Variants in TCF7 observed in about 807,000 individuals in gnomAD.
The protein encoded by TCF7 is T-cell-factor-7.
Under a neutral mutation model 46.8 loss-of-function variants are expected in TCF7, and 19 were observed. The ratio of observed to expected loss-of-function variants is 0.41; its 90% CI spans 0.28 to 0.60. TCF7 has a LOEUF of 0.60. TCF7 is among the 20% of genes least tolerant of loss of function. TCF7 has a pLI of 0.35. For missense variants in TCF7, 547 were observed against 504.6 expected, an observed-to-expected ratio of 1.08 and a Z score of -0.81; for synonymous variants, 245 against 213.4, an observed-to-expected ratio of 1.15 and a Z score of -1.29.
upstream of TCF7, among the ~76,000 whole-genome samples, chr5:134,110,362 C>T (rs1187981331): frequency 3.3e-5 from 5 of 152,174 alleles, no homozygotes; most frequent in African/African-American, 1.2e-4. Context: ...AAGAACTGAC[C>T]CCAAAGCCCC....
Position 134,142,330 on chromosome 5 carries a change from G to A in TCF7, c.755+26G>A. On this transcript the variant is annotated intron_variant, in intron 6 of 9. Coordinates refer to ENST00000342854, the MANE Select transcript of TCF7 (RefSeq NM_003202.5). Reference sequence around the variant, plus strand: ...GTGAGTGAAAAGACAATGATGGCAGGGGGTGTGTCAGTCAGGATACACATG... The same window carrying A: ...GTGAGTGAAAAGACAATGATGGCAGAGGGTGTGTCAGTCAGGATACACATG... 5 of 1,558,400 alleles carry A rather than the reference G, an allele frequency of 3.2e-6. 1 individual carries two copies. In the South Asian group the frequency reaches 4.8e-5, roughly 15 times the overall value.
At position 134,115,073 on chromosome 5, in the gene TCF7, T is replaced by C; in HGVS notation, c.167T>C (p.Val56Ala). 7 of 1,163,504 alleles carry C rather than the reference T, an allele frequency of 6.0e-6. No individual in the cohort carries two copies. Among genetic ancestry groups the C allele is most frequent in the East Asian group, 6.0e-5 (1 of 16,794 alleles). The allele number at this position is 1,163,504 out of a possible 1,614,324, so 72.1% of individuals were successfully genotyped here. A position where few individuals can be genotyped will look rare whatever the true frequency, so the allele number is the denominator to read the frequency against. The change falls in exon 1 of 10, where the codon GTG (valine) becomes GCG (alanine). Residue 56 changes from valine to alanine, a missense_variant. Around this residue, in one of 3 missense-constraint regions of TCF7, gnomAD observed 425 missense variants for 349.9 expected, o/e 1.21. Coordinates refer to ENST00000342854, the MANE Select transcript of TCF7 (RefSeq NM_003202.5). Reference protein sequence around the residue: ...RDLAELKSSLVNESEGAAGGA... With the variant: ...RDLAELKSSLANESEGAAGGA... ...CTGGCCGAGCTCAAGTCGTCGCTCG[T>C]GAACGAGTCCGAGGGCGCGGCCGGC... is the stretch of plus-strand genomic sequence containing the variant.
At chr5:134,138,901 T>G (rs370732060) in intron 4 of TCF7, 50 bp from the exon 5 acceptor site, 3 of 1,608,148 alleles carry the variant, frequency 1.9e-6, no homozygotes, top group East Asian at 4.5e-5. Context: ...ACTGCTGATA[T>G]GGCCTGCCAG....
At chr5:134,145,063 A>G (rs1010753382) in intron 9 of TCF7, 2 of 641,794 alleles carry the variant, frequency 3.1e-6, no homozygotes, top group African/African-American at 3.6e-5. Flanking sequence ...CTTGGGTCTA[A>G]GTGCAGGAGG....
chr5:134,111,027 T>C (rs1344428635), upstream of TCF7, among the ~76,000 whole-genome samples: 3 of 152,238 alleles, frequency 2.0e-5, no homozygotes. Context: ...ACCAGGCTGC[T>C]GTTCTAAGCT....
the TCF7 span, among the ~76,000 whole-genome samples, chr5:134,109,637 G>A: frequency 1.3e-5 from 2 of 152,140 alleles, no homozygotes; most frequent in African/African-American, 4.8e-5. Context: ...GAGCGTGGTG[G>A]CAGGTGCCTG....
chr5:134,136,230 A>G (rs1478602098), intron 3 of TCF7, among the ~76,000 whole-genome samples: 2 of 152,174 alleles, frequency 1.3e-5, no homozygotes, highest in South Asian at 2.1e-4. Flanking sequence ...CAGGGTTTAC[A>G]AAGTGCATGA....
intron 3 of TCF7, among the ~76,000 whole-genome samples, chr5:134,130,096 C>G (rs1561670269): frequency 6.6e-6 from 1 of 152,206 alleles, no homozygotes; most frequent in Non-Finnish European, 1.5e-5. Context: ...GGCAGTGGTG[C>G]CTGGAGCGGG....
rs756616925 is a variant in TCF7 at position 134,138,080 on chromosome 5, C to A, written c.463C>A (p.His155Asn). 48 of 1,607,030 alleles carry A rather than the reference C, an allele frequency of 3.0e-5. No individual in the cohort carries two copies. In the East Asian group the frequency reaches 3.4e-4, roughly 11 times the overall value. The part of the protein sequence containing the change: ...PPLHKANQPP[H>N]GVPQLSLYEH... ...TCAGCACAAGGCCAATCAGCCCCCCCACGGTGTCCCCCAACTCTCTCTCTA... is the reference window on the plus strand; with the variant it reads ...TCAGCACAAGGCCAATCAGCCCCCCAACGGTGTCCCCCAACTCTCTCTCTA... The change falls in exon 4 of 10, where the codon CAC becomes AAC. Residue 155 changes from histidine (H) to asparagine (N), a missense_variant. Transcript: ENST00000342854.
intron 3 of TCF7, among the ~76,000 whole-genome samples, chr5:134,120,720 G>A (rs535227917): frequency 2.2e-4 from 34 of 152,194 alleles, no homozygotes; most frequent in Non-Finnish European, 4.0e-4. Context: ...CTCATCCCTT[G>A]GCTCCAGCTG....
In TCF7 at chr5:134,142,242, C is replaced by T. The variant is rs752711933; in HGVS notation, c.693C>T (p.Ile231=). The change falls in exon 6 of 10, where the codon ATC becomes ATT. Residue 231 remains isoleucine, a synonymous_variant. Transcript: ENST00000342854. ...GSGVPGHPAA[I]PHPAIVPPSG... ...GTGTACCTGGTCACCCAGCAGCCATCCCCCACCCGGCCATTGTGCCCCCCT... is the reference window on the plus strand; with the variant it reads ...GTGTACCTGGTCACCCAGCAGCCATTCCCCACCCGGCCATTGTGCCCCCCT... 1 of 1,611,390 alleles carries T rather than the reference C, an allele frequency of 6.2e-7. No individual in the cohort carries two copies. Among genetic ancestry groups the T allele is most frequent in the Non-Finnish European group, 8.5e-7 (1 of 1,177,876 alleles).
At chr5:134,132,210 A>G (rs896146654) in intron 3 of TCF7, among the ~76,000 whole-genome samples, 1 of 152,224 alleles carries the variant, frequency 6.6e-6, no homozygotes, top group Admixed American at 6.5e-5. Flanking sequence ...TGGGCGTAGT[A>G]GTTGTACCTA....
rs1279118925 is a variant in TCF7, at chr5:134,138,087, T to A, written c.470T>A (p.Val157Asp). 5.0e-6 allele frequency: 8 copies of A among 1,605,098 alleles called. No individual in the cohort carries two copies. The highest frequency in any genetic ancestry group is 6.8e-6 in the Non-Finnish European group (8 of 1,175,752). Reference sequence around the variant, plus strand: ...AAGGCCAATCAGCCCCCCCACGGTGTCCCCCAACTCTCTCTCTACGAACAT... The same window carrying A: ...AAGGCCAATCAGCCCCCCCACGGTGACCCCCAACTCTCTCTCTACGAACAT... The part of the protein sequence containing the change: ...LHKANQPPHG[V>D]PQLSLYEHFN... The change falls in exon 4 of 10, where the codon GTC (valine) becomes GAC (aspartate). Residue 157 changes from valine to aspartate, a missense_variant. Transcript: ENST00000342854.
rs1758357745 is a variant in TCF7, at chr5:134,132,965, C to G, written c.442-5094C>G. Among the ~76,000 whole-genome samples, 3 of 152,196 alleles carry G rather than the reference C, an allele frequency of 2.0e-5. 1 individual carries two copies. In the South Asian group the frequency reaches 6.2e-4, roughly 32 times the overall value. ...AAATAGTCCAGAAGGGCGAGGAGCC[C>G]CTGTGGGACAGTGGACTGGAGTGGT... On this transcript the variant is annotated intron_variant, in intron 3 of 9. Transcript: ENST00000342854.
Position 134,146,776 on chromosome 5 carries a change from T to C in TCF7, c.*473T>C. Reference sequence around the variant, plus strand: ...TGTACCTATGGCTGCCTGCATCTATTCTTTGTACCATCTGTCTTGCCAGCC... The same window carrying C: ...TGTACCTATGGCTGCCTGCATCTATCCTTTGTACCATCTGTCTTGCCAGCC... On this transcript the variant is annotated 3_prime_UTR_variant, in exon 10 of 10. Transcript: ENST00000342854. The C allele has an allele frequency of 1.9e-6, 1 of 527,592 alleles. No individual in the cohort carries two copies. Among genetic ancestry groups the C allele is most frequent in the Non-Finnish European group, 3.3e-6 (1 of 300,676 alleles). The allele number at this position is 527,592 out of a possible 1,614,324, so 32.7% of individuals were successfully genotyped here. A position where few individuals can be genotyped will look rare whatever the true frequency, so the allele number is the denominator to read the frequency against.
intron 3 of TCF7, among the ~76,000 whole-genome samples, chr5:134,131,744 C>A (rs1275274417): frequency 6.6e-6 from 1 of 152,252 alleles, no homozygotes; most frequent in Non-Finnish European, 1.5e-5. Flanking sequence ...GCTGGTGGCA[C>A]CCCAAGCCAG....
chr5:134,123,334 C>T (rs906709955), intron 3 of TCF7, among the ~76,000 whole-genome samples: 1 of 152,266 alleles, frequency 6.6e-6, no homozygotes, highest in African/African-American at 2.4e-5. Context: ...TGAGCCCCTT[C>T]TCTATACTTC....
intron 9 of TCF7, chr5:134,143,869 T>C (rs1454630685): frequency 9.0e-6 from 5 of 554,276 alleles, no homozygotes; most frequent in East Asian, 3.1e-5. Flanking sequence ...CTGGGTAGAA[T>C]TGGAGTAGAT....
chr5:134,111,414 C>G (rs887913710), upstream of TCF7, among the ~76,000 whole-genome samples: 18 of 152,142 alleles, frequency 1.2e-4, 1 homozygote, highest in African/African-American at 4.3e-4. Context: ...ACTCCCCGGT[C>G]ACCTCCAGGG....
Sources: allele counts gnomAD v4.1 joint callset (sites outside exome capture counted in the v4.1 genomes callset), GRCh38; gene constraint gnomAD v4.1.1; regional missense constraint gnomAD v4.1.1; transcripts MANE v1.5; gene names NCBI Gene and HGNC (gene_info 2026-07-23, HGNC 2026-07-21).